ESR2: variants seen among roughly 807,000 people sequenced by gnomAD.
ESR2 encodes estrogen receptor beta.
ESR2 carries 36 observed loss-of-function variants against 49.6 expected under a neutral mutation model. The ratio of observed to expected loss-of-function variants is 0.73; its 90% confidence interval spans 0.56 to 0.96. The LOEUF is 0.96. ESR2 is among the 40% of genes least tolerant of loss of function. The probability of loss-of-function intolerance (pLI) is 0.00; values close to 1 mark genes in which losing one functional copy is unlikely to be tolerated. For synonymous variants in ESR2, 320 were observed against 266.1 expected (o/e 1.20, Z -1.97); for missense variants, 714 against 693.0 (o/e 1.03, Z -0.34).
At chr14:64,257,134 G>A (rs576051032) in intron 6 of ESR2, 92 bp downstream of exon 6, 4 of 1,207,046 alleles carry the variant, frequency 3.3e-6, no homozygotes, top group Non-Finnish European at 4.9e-6. Context: ...GCAAGTGTGA[G>A]ATTTTAATTG....
At chr14:64,300,119 T>C (rs1347253556) in intron 1 of ESR2, among the ~76,000 whole-genome samples, 1 of 152,212 alleles carries the variant, frequency 6.6e-6, no homozygotes, top group African/African-American at 2.4e-5. Context: ...AGAACTTGCA[T>C]GGCCACATCA....
At chr14:64,311,275 T>C (rs2077184973) in intron 1 of ESR2, among the ~76,000 whole-genome samples, 2 of 152,204 alleles carry the variant, frequency 1.3e-5, no homozygotes, top group South Asian at 4.1e-4. Context: ...AATTTGTGTT[T>C]GGGCTTCTTG....
intron 1 of ESR2, among the ~76,000 whole-genome samples, chr14:64,323,408 A>G (rs923626136): frequency 6.6e-6 from 1 of 152,016 alleles, no homozygotes; most frequent in African/African-American, 2.4e-5. Flanking sequence ...GAGCTTCACC[A>G]TGTTGGCCAG....
intron 7 of ESR2, among the ~76,000 whole-genome samples, chr14:64,247,599 T>C (rs896516789): frequency 2.0e-5 from 3 of 152,200 alleles, no homozygotes; most frequent in African/African-American, 7.2e-5. Context: ...AATAGAGATA[T>C]CTGTAAGTCT....
chr14:64,286,272 A>C (rs2140833294), intron 1 of ESR2, among the ~76,000 whole-genome samples: 1 of 152,282 alleles, frequency 6.6e-6, no homozygotes, highest in African/African-American at 2.4e-5. Context: ...TTTTAATACT[A>C]TATGTAATTA....
chr14:64,280,241 T>C, intron 2 of ESR2, 88 bp from the exon 3 acceptor site: 1 of 929,388 alleles, frequency 1.1e-6, no homozygotes, highest in South Asian at 1.5e-5. Context: ...GAACATTGCC[T>C]AATTTAATCT....
At chr14:64,316,584 G>T (rs1217411150) in intron 1 of ESR2, among the ~76,000 whole-genome samples, 4 of 150,696 alleles carry the variant, frequency 2.7e-5, no homozygotes, top group South Asian at 2.1e-4. Context: ...CAAGGTGGGT[G>T]GATCACTTGA....
Position 64,229,952 on chromosome 14 carries a change from G to C in ESR2, c.*3185C>G, listed in dbSNP as rs1474248801. Among the ~76,000 whole-genome samples, 4 of 152,204 alleles carry C rather than the reference G, an allele frequency of 2.6e-5. No individual in the cohort carries two copies. Among genetic ancestry groups the C allele is most frequent in the African/African-American group, 9.7e-5 (4 of 41,450 alleles). The stretch of plus-strand genomic sequence containing the variant: ...TCAGCACTTTGGGAGGCCTTGGCAG[G>C]CAGATCGCTGGAGCCCAGGAGTTCA... On this transcript the variant is annotated 3_prime_UTR_variant, in exon 9 of 9. Coordinates refer to ENST00000341099, the MANE Select transcript of ESR2 (RefSeq NM_001437.3).
At chr14:64,312,205 C>A (rs2140883139) in intron 1 of ESR2, among the ~76,000 whole-genome samples, 1 of 151,984 alleles carries the variant, frequency 6.6e-6, no homozygotes, top group African/African-American at 2.4e-5. Flanking sequence ...AAAGCTATAC[C>A]AAATATATAT....
chr14:64,295,789 T>C (rs955204118), upstream of ESR2, among the ~76,000 whole-genome samples: 3 of 152,174 alleles, frequency 2.0e-5, no homozygotes, highest in African/African-American at 7.2e-5. Flanking sequence ...CTCACACCTA[T>C]AATCTCAGCA....
intron 1 of ESR2, among the ~76,000 whole-genome samples, chr14:64,292,545 G>A (rs183553321): frequency 2.2e-4 from 34 of 152,254 alleles, no homozygotes; most frequent in Middle Eastern, 3.4e-3. Context: ...GAAATCTAAC[G>A]TTCAAGCATA....
At chr14:64,279,919 C>T in intron 3 of ESR2, 62 bp downstream of exon 3, 1 of 1,426,558 alleles carries the variant, frequency 7.0e-7, no homozygotes, top group Non-Finnish European at 9.9e-7. Context: ...CAAGTCATCT[C>T]TGCAAAATTG....
intron 1 of ESR2, among the ~76,000 whole-genome samples, chr14:64,327,004 G>A (rs1039852618): frequency 6.6e-6 from 1 of 152,076 alleles, no homozygotes; most frequent in Non-Finnish European, 1.5e-5. Context: ...AACAAAAATT[G>A]TTTTTCTTCA....
At chr14:64,280,864 G>C (rs1164913711) in intron 2 of ESR2, among the ~76,000 whole-genome samples, 1 of 152,100 alleles carries the variant, frequency 6.6e-6, no homozygotes, top group East Asian at 1.9e-4. Flanking sequence ...ACAAAAATTA[G>C]CCAGACATGG....
intron 1 of ESR2, among the ~76,000 whole-genome samples, chr14:64,314,877 C>CAAAAAAA (rs1179436563): frequency 2.4e-4 from 5 of 20,482 alleles, no homozygotes; most frequent in East Asian, 1.6e-3. Flanking sequence ...GACTCCGTCT[C>CAAAAAAA]AAAAAAAAAA....
In ESR2 at chr14:64,233,186, G is replaced by A. The variant is rs1412870239; in HGVS notation, c.1544C>T (p.Ala515Val). 3.1e-6 allele frequency: 5 copies of A among 1,614,008 alleles called. No individual in the cohort carries two copies. In the African/African-American group the frequency reaches 6.7e-5, roughly 22 times the overall value. ...SSITGSECSP[A>V]EDSKSKEGSQ... ...GCCCTCTTTGCTTTTACTGTCCTCTGCCGGGCTGCACTCGGACCCCGTGAT... is the reference window on the plus strand; with the variant it reads ...GCCCTCTTTGCTTTTACTGTCCTCTACCGGGCTGCACTCGGACCCCGTGAT... Residue 515 changes from alanine (A) to valine (V), a missense_variant, in exon 9 of 9, where the codon GCA (alanine) becomes GTA (valine). Coordinates refer to ENST00000341099, the MANE Select transcript of ESR2 (RefSeq NM_001437.3).
At chr14:64,321,653 TA>T (rs2077325549) in intron 1 of ESR2, among the ~76,000 whole-genome samples, 1 of 152,034 alleles carries the variant, frequency 6.6e-6, no homozygotes, top group African/African-American at 2.4e-5. Flanking sequence ...AGATCCAAAT[TA>T]TGGGAAGAAG....
At chr14:64,269,486 G>A (rs758607214) in intron 3 of ESR2, among the ~76,000 whole-genome samples, 4 of 152,198 alleles carry the variant, frequency 2.6e-5, no homozygotes, top group East Asian at 1.9e-4. Context: ...GTACTAGAGT[G>A]CGCAGAGAGC....
upstream of ESR2, chr14:64,338,201 C>T (rs1163860260): frequency 6.4e-6 from 1 of 155,232 alleles, no homozygotes; most frequent in Non-Finnish European, 1.5e-5. Flanking sequence ...TACGACCCTC[C>T]CTGAGCCCTG....
Sources: allele counts gnomAD v4.1 joint callset (sites outside exome capture counted in the v4.1 genomes callset), GRCh38; gene constraint gnomAD v4.1.1; transcripts MANE v1.5; gene names NCBI Gene and HGNC (gene_info 2026-07-23, HGNC 2026-07-21).